OR11A1: variants seen among roughly 807,000 people sequenced by gnomAD.
OR11A1 encodes olfactory receptor 11A1.
For synonymous variants in OR11A1, 158 were observed against 152.2 expected, an observed-to-expected ratio of 1.04 and a Z score of -0.28; for missense variants, 380 against 378.2, an observed-to-expected ratio of 1.00 and a Z score of -0.04.
At position 29,427,274 on chromosome 6, in the gene OR11A1, C is replaced by A. The variant is rs1188530059; in HGVS notation, c.368G>T (p.Arg123Leu). The change falls in exon 5 of 5, where the codon CGC (arginine) becomes CTC (leucine). Residue 123 changes from arginine (R) to leucine (L), a missense_variant. Arg to Leu is a moderately radical substitution (Grantham distance 102, BLOSUM62 -2). Coordinates refer to ENST00000377149, the MANE Select transcript of OR11A1 (RefSeq NM_001394828.1). ...GAGTGGGTAGCAAATTGCCAGGTAG[C>A]GGTCATATGCCATGACAGCCAGCAG... ...CLLLAVMAYD[R>L]YLAICYPLHY... 1 of 1,612,918 alleles carries A rather than the reference C, an allele frequency of 6.2e-7. No homozygotes were observed. Among genetic ancestry groups the A allele is most frequent in the Non-Finnish European group, 8.5e-7 (1 of 1,180,016 alleles).
At chr6:29,455,488 T>A (rs186494464) in intron 1 of OR11A1, among the ~76,000 whole-genome samples, 1 of 152,290 alleles carries the variant, frequency 6.6e-6, no homozygotes, top group East Asian at 1.9e-4. Flanking sequence ...AGGACTACAG[T>A]TGACAACATT....
In OR11A1 at chr6:29,427,602, A is replaced by G. The variant is rs771406244; in HGVS notation, c.40T>C (p.Phe14Leu). The change falls in exon 5 of 5, where the codon TTT becomes CTT. Residue 14 changes from phenylalanine (F) to leucine (L), a missense_variant. Physicochemically the swap from Phe to Leu is conservative, Grantham distance 22 (BLOSUM62 0). Transcript: ENST00000377149. ...ATGTCATAGAAGCCAAGGAGGACAA[A>G]TTCAGTAATAGTTTCGTTTCCTGTG... Reference protein sequence around the residue: ...VSTGNETITEFVLLGFYDIPE... With the variant: ...VSTGNETITELVLLGFYDIPE... 7 of 1,612,238 alleles carry G rather than the reference A, an allele frequency of 4.3e-6. No homozygotes were observed. Among genetic ancestry groups the G allele is most frequent in the Non-Finnish European group, 5.9e-6 (7 of 1,179,554 alleles).
chr6:29,434,786 A>G (rs1023630590), intron 1 of OR11A1, among the ~76,000 whole-genome samples: 1 of 152,226 alleles, frequency 6.6e-6, no homozygotes, highest in African/African-American at 2.4e-5. Flanking sequence ...ATTGTTAATC[A>G]CCCTGGTGAG....
intron 1 of OR11A1, among the ~76,000 whole-genome samples, chr6:29,438,553 AAAG>A (rs1378379076): frequency 6.6e-6 from 1 of 152,186 alleles, no homozygotes; most frequent in Non-Finnish European, 1.5e-5. Context: ...TCATGAGAAA[AAAG>A]AAGAAAATTA....
intron 1 of OR11A1, among the ~76,000 whole-genome samples, chr6:29,452,374 C>CA (rs1206308593): frequency 2.0e-5 from 3 of 151,870 alleles, no homozygotes; most frequent in African/African-American, 4.8e-5. Flanking sequence ...AAAGGGCAAA[C>CA]AAAAAAATTG....
At position 29,428,856 on chromosome 6, in the gene OR11A1, CA is replaced by C. The variant is rs372384679; in HGVS notation, c.-92+56del. 1.3e-4 allele frequency: 84 copies of C among 640,344 alleles called. No homozygotes were observed. In the African/African-American group the frequency reaches 1.6e-3, roughly 12 times the overall value. 39.7% of individuals were successfully genotyped at this position (640,344 alleles called of 1,614,324 possible). ...CCTGGCAGGAAAGCATATGCAAAAG[CA>C]AAGAGTTGTAATTGAGCATGACACT... On this transcript the variant is annotated intron_variant, in intron 4 of 4. Transcript: ENST00000377149.
intron 1 of OR11A1, chr6:29,440,941 C>T (rs1238809716): frequency 1.2e-6 from 2 of 1,607,934 alleles, no homozygotes; most frequent in Admixed American, 3.3e-5. Flanking sequence ...AAAACGGTGC[C>T]TATGGAGATT....
intron 1 of OR11A1, among the ~76,000 whole-genome samples, chr6:29,454,324 G>C (rs1313695521): frequency 6.6e-6 from 1 of 152,076 alleles, no homozygotes; most frequent in Non-Finnish European, 1.5e-5. Flanking sequence ...TATCAATATA[G>C]ATGGGTATCA....
chr6:29,448,796 C>G (rs997847852), intron 1 of OR11A1, among the ~76,000 whole-genome samples: 8 of 152,200 alleles, frequency 5.3e-5, no homozygotes, highest in Non-Finnish European at 2.9e-5. Flanking sequence ...TAAACACCTT[C>G]TTTTTAAAAA....
rs1008079915 is a variant in OR11A1, at chr6:29,425,912, C to T, written c.*782G>A. ...CAATGTACAGTAAAAGAATAGAATA[C>T]AACTAAAAATTCCCAAAATAGAATA... is the stretch of plus-strand genomic sequence containing the variant. On this transcript the variant is annotated 3_prime_UTR_variant, in exon 5 of 5. Transcript: ENST00000377149. 1.3e-5 allele frequency: 2 copies of T among 152,040 alleles called. No homozygotes were observed. The highest frequency in any genetic ancestry group is 4.8e-5 in the African/African-American group (2 of 41,422). 9.4% of individuals were successfully genotyped at this position (152,040 alleles called of 1,614,324 possible). A position where few individuals can be genotyped will look rare whatever the true frequency, so the allele number is the denominator to read the frequency against.
chr6:29,443,524 G>C (rs1314909204), intron 1 of OR11A1, among the ~76,000 whole-genome samples: 1 of 149,980 alleles, frequency 6.7e-6, no homozygotes, highest in Non-Finnish European at 1.5e-5. Context: ...GGAAATTTGG[G>C]TTGTTTTCAC....
Position 29,426,922 on chromosome 6 carries a change from G to A in OR11A1, c.720C>T (p.Ser240=), listed in dbSNP as rs749104883. ...CTACAGCTAGGTGGGAGGAGCATGT[G>A]GAGAAAGCCCTTCTCCTGCTTGCCC... ...PAGASRRRAF[S]TCSSHLAVVT... is the part of the protein sequence containing the mutation. Residue 240 remains serine, a synonymous_variant, in exon 5 of 5, where the codon TCC becomes TCT. Coordinates refer to ENST00000377149, the MANE Select transcript of OR11A1 (RefSeq NM_001394828.1). 9 of 1,612,912 alleles carry A rather than the reference G, an allele frequency of 5.6e-6. No individual in the cohort carries two copies. In the Admixed American group the frequency reaches 1.2e-4, roughly 21 times the overall value.
chr6:29,427,010 G>A lies in OR11A1; in HGVS notation c.632C>T (p.Pro211Leu). The change falls in exon 5 of 5, where the codon CCT (proline) becomes CTT (leucine). Residue 211 changes from proline to leucine, a missense_variant. Coordinates refer to ENST00000377149, the MANE Select transcript of OR11A1 (RefSeq NM_001394828.1). ...LILSVFCLTI[P>L]FGLILTSYAR... ...ATAAGATGTCAGAATCAGTCCAAAA[G>A]GAATAGTGAGGCAGAACACAGACAG... is the stretch of plus-strand genomic sequence containing the variant. 2 of 1,612,678 alleles carry A rather than the reference G, an allele frequency of 1.2e-6. No individual in the cohort carries two copies. Among genetic ancestry groups the A allele is most frequent in the Non-Finnish European group, 1.7e-6 (2 of 1,180,022 alleles).
chr6:29,449,887 T>C (rs1356940164), intron 1 of OR11A1, among the ~76,000 whole-genome samples: 3 of 151,388 alleles, frequency 2.0e-5, no homozygotes, highest in African/African-American at 7.3e-5. Flanking sequence ...TCTGCCTGCC[T>C]CAGCCTCCCA....
Position 29,453,865 on chromosome 6 carries a change from G to A in OR11A1, c.-389+3122C>T, listed in dbSNP as rs1785726436. On this transcript the variant is annotated intron_variant, in intron 1 of 4. Coordinates refer to ENST00000377149, the MANE Select transcript of OR11A1 (RefSeq NM_001394828.1). This position sits in a 1 kb window ranked among gnomAD's most constrained non-coding sequence, Gnocchi z 4.5. ...AAAGGCAGATGCATTAGCAGAGAAT[G>A]GAAGCCTTTTGAAATCAAAAGTATT... 6.6e-6 allele frequency among the ~76,000 whole-genome samples: 1 copy of A among 152,116 alleles called. No individual in the cohort carries two copies. Among genetic ancestry groups the A allele is most frequent in the South Asian group, 2.1e-4 (1 of 4,836 alleles).
intron 1 of OR11A1, chr6:29,440,094 TTC>T (rs775002847): frequency 6.2e-7 from 1 of 1,613,300 alleles, no homozygotes. Context: ...GGGCTTGCTC[TTC>T]TCTGTCTTTC....
intron 1 of OR11A1, chr6:29,450,652 GAT>G (rs1342487066): frequency 6.6e-6 from 1 of 152,034 alleles, no homozygotes; most frequent in East Asian, 1.9e-4. Flanking sequence ...TAGACAGAGA[GAT>G]GAAAGACCTC....
At chr6:29,432,580 C>G (rs17184002) in intron 1 of OR11A1, among the ~76,000 whole-genome samples, 1,530 of 152,200 alleles carry the variant, frequency 0.01, 17 homozygotes, top group East Asian at 0.029. Context: ...TCATCAAAAT[C>G]TTGCCAATGC....
At chr6:29,441,086 G>GT (rs1784152150) in intron 1 of OR11A1, 1 of 629,786 alleles carries the variant, frequency 1.6e-6, no homozygotes. Flanking sequence ...ACTTATCTTT[G>GT]AAAAGCTACC....
Sources: allele counts gnomAD v4.1 joint callset (sites outside exome capture counted in the v4.1 genomes callset), GRCh38; gene constraint gnomAD v4.1.1; non-coding constraint Gnocchi (gnomAD v3.1); transcripts MANE v1.5; gene names NCBI Gene and HGNC (gene_info 2026-07-23, HGNC 2026-07-21).